Variants in ZPBP observed in about 807,000 individuals in gnomAD.
ZPBP encodes zona pellucida binding protein.
ZPBP carries 26 observed loss-of-function variants against 44.8 expected under a neutral mutation model. The ratio of observed to expected loss-of-function variants is 0.58; its 90% CI spans 0.43 to 0.81. The LOEUF is 0.81. Ranked by LOEUF, ZPBP falls within the 30% of genes least tolerant of loss-of-function variation. The probability of loss-of-function intolerance (pLI) is 0.00; values close to 1 mark genes in which losing one functional copy is unlikely to be tolerated. For missense variants in ZPBP, 409 were observed against 434.0 expected (o/e 0.94, Z 0.51); for synonymous variants, 174 against 153.2 (o/e 1.14, Z -1.00).
intron 2 of ZPBP, among the ~76,000 whole-genome samples, chr7:49,858,759 A>G (rs1202537649): frequency 6.6e-6 from 1 of 152,210 alleles, no homozygotes. Context: ...AAGATTATGC[A>G]TTTACCTTCA....
At chr7:49,937,697 T>G in intron 7 of ZPBP, 75 bp from the exon 8 acceptor site, 1 of 1,199,768 alleles carries the variant, frequency 8.3e-7, no homozygotes, top group Non-Finnish European at 1.2e-6. Flanking sequence ...CTCAATTCTT[T>G]TAAGTGTATA....
chr7:49,853,660 T>C (rs1460186972), intron 2 of ZPBP, among the ~76,000 whole-genome samples: 1 of 149,988 alleles, frequency 6.7e-6, no homozygotes, highest in East Asian at 1.9e-4. Flanking sequence ...TTTGTTTTTC[T>C]TCTTGTCATT....
intron 2 of ZPBP, among the ~76,000 whole-genome samples, chr7:49,895,176 C>T (rs1792323056): frequency 1.3e-5 from 2 of 152,146 alleles, no homozygotes; most frequent in Non-Finnish European, 2.9e-5. Context: ...TTGATGGTGT[C>T]TTGCCATGGT....
At chr7:50,024,464 T>TAC (rs34796150) in intron 5 of ZPBP, among the ~76,000 whole-genome samples, 3 of 151,166 alleles carry the variant, frequency 2.0e-5, no homozygotes, top group South Asian at 2.1e-4. Flanking sequence ...TAATGCATTA[T>TAC]ACACACACAC....
chr7:50,022,425 T>C (rs1382213169), intron 5 of ZPBP, among the ~76,000 whole-genome samples: 1 of 152,018 alleles, frequency 6.6e-6, no homozygotes. Context: ...GGAATACTAT[T>C]ATAACTAAGC....
At chr7:49,857,594 G>A (rs566355103) in intron 2 of ZPBP, among the ~76,000 whole-genome samples, 2 of 152,106 alleles carry the variant, frequency 1.3e-5, no homozygotes, top group Non-Finnish European at 2.9e-5. Flanking sequence ...TAAAACCTCC[G>A]TGAGACATTA....
intron 5 of ZPBP, among the ~76,000 whole-genome samples, chr7:50,021,567 A>T (rs1799093383): frequency 6.6e-6 from 1 of 152,146 alleles, no homozygotes; most frequent in Admixed American, 6.6e-5. Flanking sequence ...GATGGGAGAC[A>T]CAGAAGGAGA....
chr7:49,958,767 G>T (rs1053189462), intron 7 of ZPBP, among the ~76,000 whole-genome samples: 1 of 152,170 alleles, frequency 6.6e-6, no homozygotes, highest in African/African-American at 2.4e-5. Flanking sequence ...GAACAAGCTG[G>T]TAACCCAGTG....
intron 5 of ZPBP, 146 bp from the exon 6 acceptor site, chr7:50,018,462 C>A: frequency 1.7e-6 from 1 of 584,648 alleles, no homozygotes; most frequent in South Asian, 2.8e-5. Context: ...GACTCTTCAG[C>A]AAAAAACCTA....
At chr7:49,943,370 C>A in intron 7 of ZPBP, 1 of 355,280 alleles carries the variant, frequency 2.8e-6, no homozygotes, top group Non-Finnish European at 5.4e-6. Context: ...GAAGCATAAC[C>A]AACATATCAA....
chr7:50,022,205 T>C (rs922457176), intron 5 of ZPBP, among the ~76,000 whole-genome samples: 2 of 152,074 alleles, frequency 1.3e-5, no homozygotes, highest in South Asian at 2.1e-4. Flanking sequence ...CAAAAGTAAC[T>C]ACACAGGAGT....
intron 1 of ZPBP, among the ~76,000 whole-genome samples, chr7:49,922,982 C>T (rs1241149607): frequency 1.3e-5 from 2 of 152,052 alleles, no homozygotes; most frequent in Non-Finnish European, 2.9e-5. Flanking sequence ...TTTTGAACTG[C>T]AAAATGTAAT....
downstream of ZPBP, among the ~76,000 whole-genome samples, chr7:49,849,832 C>G (rs1481692560): frequency 1.3e-5 from 2 of 152,210 alleles, no homozygotes; most frequent in African/African-American, 4.8e-5. Flanking sequence ...TTCTCAGATT[C>G]TAACCTGCGA....
At chr7:49,966,743 G>T (rs763968714) in intron 7 of ZPBP, among the ~76,000 whole-genome samples, 12 of 152,030 alleles carry the variant, frequency 7.9e-5, no homozygotes, top group Non-Finnish European at 1.5e-4. Flanking sequence ...ACTTTTCTAA[G>T]AAATAAACAA....
intron 4 of ZPBP, among the ~76,000 whole-genome samples, chr7:50,041,413 G>A (rs936490935): frequency 5.9e-5 from 9 of 152,148 alleles, no homozygotes; most frequent in Admixed American, 2.6e-4. Context: ...GGAGAGCTCC[G>A]GCTGGCATCT....
At chr7:49,869,775 G>C (rs1379369299) in intron 2 of ZPBP, among the ~76,000 whole-genome samples, 1 of 152,090 alleles carries the variant, frequency 6.6e-6, no homozygotes, top group Non-Finnish European at 1.5e-5. Flanking sequence ...AAGAGAATTG[G>C]ATGTGCACGG....
intron 7 of ZPBP, among the ~76,000 whole-genome samples, chr7:49,966,863 A>G (rs1015962710): frequency 3.9e-5 from 6 of 152,136 alleles, no homozygotes; most frequent in Non-Finnish European, 8.8e-5. Context: ...TCCCCCATCT[A>G]ATGGTGTAAA....
At chr7:50,091,242 A>G (rs1159371143) in intron 1 of ZPBP, among the ~76,000 whole-genome samples, 1 of 151,636 alleles carries the variant, frequency 6.6e-6, no homozygotes, top group East Asian at 1.9e-4. Flanking sequence ...CCTTTGCCAG[A>G]TGTATATATT....
intron 6 of ZPBP, among the ~76,000 whole-genome samples, chr7:49,993,966 G>A (rs1270790941): frequency 6.6e-6 from 1 of 152,148 alleles, no homozygotes; most frequent in African/African-American, 2.4e-5. Flanking sequence ...ACATTCACAT[G>A]AGACACACAT....
Sources: allele counts gnomAD v4.1 joint callset (sites outside exome capture counted in the v4.1 genomes callset), GRCh38; gene constraint gnomAD v4.1.1; transcripts MANE v1.5; gene names NCBI Gene and HGNC (gene_info 2026-07-23, HGNC 2026-07-21).